The following SBSPON variants were observed in gnomAD, a reference collection of about 807,000 sequenced individuals.
SBSPON encodes the protein somatomedin-B and thrombospondin type-1 domain-containing protein.
A neutral mutation model predicts 35.8 loss-of-function variants in SBSPON; 30 were observed. The ratio of observed to expected loss-of-function variants is 0.84; its 90% CI spans 0.63 to 1.14. SBSPON has a LOEUF of 1.14. Among genes scored for constraint, SBSPON ranks in the 50% most tolerant of loss-of-function variants. The pLI is 0.00. For synonymous variants in SBSPON, 136 were observed against 135.9 expected (o/e 1.00, Z 0.00); for missense variants, 364 against 357.7 (o/e 1.02, Z -0.14).
intron 1 of SBSPON, among the ~76,000 whole-genome samples, chr8:73,081,670 A>T (rs1586096950): frequency 1.3e-5 from 2 of 152,126 alleles, no homozygotes; most frequent in South Asian, 4.1e-4. Context: ...AAGAAAATGT[A>T]CTTCACCCAC....
intron 2 of SBSPON, among the ~76,000 whole-genome samples, chr8:73,074,063 C>T (rs1810546681): frequency 6.6e-6 from 1 of 152,172 alleles, no homozygotes; most frequent in African/African-American, 2.4e-5. Context: ...TTTAATTCTC[C>T]CATACATTTT....
chr8:73,079,468 T>C (rs1810654064), intron 2 of SBSPON, among the ~76,000 whole-genome samples: 1 of 152,072 alleles, frequency 6.6e-6, no homozygotes, highest in Non-Finnish European at 1.5e-5. Context: ...GCTTTTCCCT[T>C]GATCAGCTCC....
chr8:73,088,486 C>T (rs1287105806), intron 1 of SBSPON, among the ~76,000 whole-genome samples: 1 of 152,170 alleles, frequency 6.6e-6, no homozygotes, highest in Admixed American at 6.5e-5. Context: ...AATTGGAGAC[C>T]AGCTTGGGCA....
At chr8:73,071,385 G>A (rs2129990738) in intron 3 of SBSPON, among the ~76,000 whole-genome samples, 1 of 152,286 alleles carries the variant, frequency 6.6e-6, no homozygotes, top group African/African-American at 2.4e-5. Context: ...CTTCCAGCCT[G>A]TACCAATAGG....
At chr8:73,079,021 T>C (rs905299430) in intron 2 of SBSPON, among the ~76,000 whole-genome samples, 1 of 152,136 alleles carries the variant, frequency 6.6e-6, no homozygotes, top group African/African-American at 2.4e-5. Context: ...CCAAAGATGC[T>C]TATTCCTCAC....
Position 73,071,829 on chromosome 8 carries a change from T to C in SBSPON, c.451A>G (p.Thr151Ala), listed in dbSNP as rs758851492. The change falls in exon 3 of 5, where the codon ACA becomes GCA. Residue 151 changes from threonine to alanine, a missense_variant. Transcript: ENST00000297354. Reference protein sequence around the residue: ...ITTSAFNKERTRQATSPHWST... With the variant: ...ITTSAFNKERARQATSPHWST... ...CAGTGTGGAGACGTAGCTTGTCGTG[T>C]TCTCTCCTTGTTGAATGCAGAGGTA... 15 of 1,611,262 alleles carry C rather than the reference T, an allele frequency of 9.3e-6. No individual in the cohort carries two copies. In the East Asian group the frequency reaches 3.1e-4, roughly 34 times the overall value.
At chr8:73,073,584 T>C (rs900217496) in intron 2 of SBSPON, among the ~76,000 whole-genome samples, 1 of 152,160 alleles carries the variant, frequency 6.6e-6, no homozygotes, top group African/African-American at 2.4e-5. Flanking sequence ...GGCAGGCAGC[T>C]CACTTGAGGC....
In SBSPON at chr8:73,093,099, C is replaced by G. The variant is rs1362452355; in HGVS notation, c.-32G>C. On this transcript the variant is annotated 5_prime_UTR_variant, in exon 1 of 5. Transcript: ENST00000297354. The stretch of plus-strand genomic sequence containing the variant: ...GGCTCCGGCGGCGCCTGCGACGCGA[C>G]AGACCCCCGGGGCAAGCGCTCTGAT... 1.6e-6 allele frequency: 2 copies of G among 1,237,102 alleles called. No individual in the cohort carries two copies. The highest frequency in any genetic ancestry group is 1.0e-6 in the Non-Finnish European group (1 of 971,076). The allele number at this position is 1,237,102 out of a possible 1,614,324, so 76.6% of individuals were successfully genotyped here. A position where few individuals can be genotyped will look rare whatever the true frequency, so the allele number is the denominator to read the frequency against.
intron 2 of SBSPON, among the ~76,000 whole-genome samples, chr8:73,072,999 C>T (rs377402437): frequency 6.6e-6 from 1 of 152,178 alleles, no homozygotes; most frequent in South Asian, 2.1e-4. Flanking sequence ...TACCTCATCA[C>T]TAAGTCTAGG....
At chr8:73,080,995 C>T (rs751850986) in intron 2 of SBSPON, 24 bp downstream of exon 2, 1 of 1,530,244 alleles carries the variant, frequency 6.5e-7, no homozygotes, top group South Asian at 1.3e-5. Context: ...ATAACAAAGG[C>T]AGCAACCATG....
At chr8:73,086,342 A>G (rs182018881) in intron 1 of SBSPON, among the ~76,000 whole-genome samples, 9 of 152,110 alleles carry the variant, frequency 5.9e-5, no homozygotes, top group African/African-American at 2.2e-4. Flanking sequence ...TTGTATTTTT[A>G]GTAGAGATGG....
At chr8:73,090,094 T>C (rs1404280236) in intron 1 of SBSPON, among the ~76,000 whole-genome samples, 1 of 152,184 alleles carries the variant, frequency 6.6e-6, no homozygotes, top group Non-Finnish European at 1.5e-5. Context: ...GCCAGGCTGG[T>C]CTCAAACTCC....
intron 1 of SBSPON, 80 bp downstream of exon 1, chr8:73,092,774 G>T: frequency 2.7e-6 from 3 of 1,118,068 alleles, no homozygotes; most frequent in Non-Finnish European, 4.0e-6. Context: ...AGGGACTGAG[G>T]TCCTTGGCAC....
At chr8:73,068,452 T>TA (rs1428958929) in intron 4 of SBSPON, among the ~76,000 whole-genome samples, 1 of 152,226 alleles carries the variant, frequency 6.6e-6, no homozygotes, top group East Asian at 1.9e-4. Context: ...TTCTACCAGT[T>TA]ACACCTGACA....
chr8:73,069,682 A>G (rs1353475155), intron 4 of SBSPON, 123 bp downstream of exon 4: 2 of 779,956 alleles, frequency 2.6e-6, no homozygotes, highest in Non-Finnish European at 4.2e-6. Context: ...CTCCTCACCT[A>G]CTGTTTTGAC....
intron 2 of SBSPON, among the ~76,000 whole-genome samples, chr8:73,076,656 GA>G (rs373146418): frequency 1.2e-3 from 173 of 139,586 alleles, no homozygotes; most frequent in Middle Eastern, 0.011. Flanking sequence ...TATATGAAAA[GA>G]AAAAAAAAAA....
At chr8:73,082,381 G>A (rs1035916609) in intron 1 of SBSPON, among the ~76,000 whole-genome samples, 1 of 152,108 alleles carries the variant, frequency 6.6e-6, no homozygotes, top group Admixed American at 6.5e-5. Context: ...AATTCATAAT[G>A]TTTCCCACAA....
At chr8:73,077,937 T>G (rs1179516543) in intron 2 of SBSPON, among the ~76,000 whole-genome samples, 4 of 152,244 alleles carry the variant, frequency 2.6e-5, no homozygotes, top group Non-Finnish European at 5.9e-5. Flanking sequence ...GAAAACTGTC[T>G]GATTTACCCC....
In SBSPON at chr8:73,081,154, G is replaced by T; in HGVS notation, c.274C>A (p.Pro92Thr). 6.2e-7 allele frequency: 1 copy of T among 1,612,892 alleles called. No homozygotes were observed. Among genetic ancestry groups the T allele is most frequent in the Non-Finnish European group, 8.5e-7 (1 of 1,179,350 alleles). The stretch of plus-strand genomic sequence containing the variant: ...GAGCGCCTCCGCACACGGGTTGTAG[G>T]CTTGCACTGGTCTGCACAACCACTC... ...PWSGCADQCK[P>T]TTRVRRRSVQ... Residue 92 changes from proline (P) to threonine (T), a missense_variant, in exon 2 of 5, where the codon CCT (proline) becomes ACT (threonine). Physicochemically the swap from Pro to Thr is conservative, Grantham distance 38. Transcript: ENST00000297354.
Sources: gnomAD v4.1 joint callset for allele counts (sites outside exome capture counted in the v4.1 genomes callset) on GRCh38, gnomAD v4.1.1 for gene constraint, MANE v1.5 for transcripts, NCBI Gene and HGNC (gene_info 2026-07-23, HGNC 2026-07-21) for gene names.